The following PTPRD variants were observed in gnomAD, a reference collection of about 807,000 sequenced individuals.
PTPRD encodes protein tyrosine phosphatase receptor type D.
Under a neutral mutation model 214.5 loss-of-function variants are expected in PTPRD, and 34 were observed. That is an observed-to-expected ratio of 0.16 (90% CI 0.12 to 0.21). The LOEUF (loss-of-function observed/expected upper bound fraction) is 0.21. Ranked by LOEUF, PTPRD falls within the 10% of genes least tolerant of loss-of-function variation. The pLI is 1.00. For missense variants in PTPRD, 2,545 were observed against 2,398.7 expected (o/e 1.06, Z -1.27); for synonymous variants, 1,128 against 845.7 (o/e 1.33, Z -5.79).
At chr9:8,660,838 G>C (rs1245871458) in intron 12 of PTPRD, among the ~76,000 whole-genome samples, 2 of 151,924 alleles carry the variant, frequency 1.3e-5, no homozygotes, top group Non-Finnish European at 2.9e-5. Flanking sequence ...CAACTTACAG[G>C]ACCTTCCACA....
intron 3 of PTPRD, among the ~76,000 whole-genome samples, chr9:10,169,443 C>T (rs1354021130): frequency 1.5e-5 from 2 of 131,980 alleles, no homozygotes; most frequent in Non-Finnish European, 3.0e-5. Flanking sequence ...CACTGCACTC[C>T]AGCCTGGGCG....
rs543670861 is a variant in PTPRD, at chr9:10,405,349, G to A, written c.-599-64332C>T. Among the ~76,000 whole-genome samples the A allele has an allele frequency of 2.6e-5, 4 of 151,718 alleles. No homozygotes were observed. In the South Asian group the frequency reaches 8.3e-4, roughly 31 times the overall value. On this transcript the variant is annotated intron_variant, in intron 2 of 45. Transcript: ENST00000381196. ...ATCTTGTTTAACAGACAGTGACATG[G>A]AATTTTTACTTATATTTTCTACAAA...
chr9:8,638,842 T>A lies in PTPRD; in HGVS notation c.65-1998A>T, dbSNP rs372853642. Among the ~76,000 whole-genome samples, 15 of 152,130 alleles carry A rather than the reference T, an allele frequency of 9.9e-5. No individual in the cohort carries two copies. The East Asian group carries it at 2.1e-3, about 21-fold the overall frequency. ...TAAAATAATTTTATTTTTTATTTATTTTTATTTATTTATTTATTTTAGATG... is the reference window on the plus strand; with the variant it reads ...TAAAATAATTTTATTTTTTATTTATATTTATTTATTTATTTATTTTAGATG... On this transcript the variant is annotated intron_variant, in intron 12 of 45. Coordinates refer to ENST00000381196, the MANE Select transcript of PTPRD (RefSeq NM_002839.4).
intron 14 of PTPRD, among the ~76,000 whole-genome samples, chr9:8,536,300 T>C (rs141234386): frequency 0.012 from 1,775 of 152,016 alleles, 70 homozygotes; most frequent in Admixed American, 0.078. Context: ...TGGTCATCCT[T>C]TACTTTTATT....
chr9:9,454,909 G>T (rs61014266), intron 8 of PTPRD, among the ~76,000 whole-genome samples: 1 of 151,180 alleles, frequency 6.6e-6, no homozygotes, highest in Non-Finnish European at 1.5e-5. Flanking sequence ...TGTAATACAA[G>T]CATTTCATTG....
chr9:8,694,850 G>A lies in PTPRD; in HGVS notation c.64+38930C>T, dbSNP rs552484838. On this transcript the variant is annotated intron_variant, in intron 12 of 45. Transcript: ENST00000381196. The stretch of plus-strand genomic sequence containing the variant: ...CTTTGTTGTTCTCTTTCTTACTGTG[G>A]AGCCCCATGGCTTGGAACTGTAAGC... 7.9e-4 allele frequency among the ~76,000 whole-genome samples: 120 copies of A among 151,934 alleles called. 3 individuals are homozygous for A. The South Asian group carries it at 0.025, about 31-fold the overall frequency.
chr9:9,855,309 T>C (rs1324137689), intron 5 of PTPRD, among the ~76,000 whole-genome samples: 12 of 152,138 alleles, frequency 7.9e-5, no homozygotes, highest in South Asian at 6.2e-4. Flanking sequence ...GTATTCAATA[T>C]ATGGTAACAA....
intron 4 of PTPRD, among the ~76,000 whole-genome samples, chr9:10,031,647 TACAC>T (rs1555494944): frequency 1.1e-5 from 1 of 89,688 alleles, no homozygotes; most frequent in Non-Finnish European, 1.9e-5. Flanking sequence ...TATATATATA[TACAC>T]ACACACACAC....
At chr9:9,220,334 G>A (rs2099955059) in intron 9 of PTPRD, among the ~76,000 whole-genome samples, 1 of 125,888 alleles carries the variant, frequency 7.9e-6, no homozygotes. Context: ...GCACTATCTA[G>A]AAGGCTTCAT....
intron 6 of PTPRD, among the ~76,000 whole-genome samples, chr9:9,759,976 G>A (rs1425204425): frequency 6.6e-6 from 1 of 152,020 alleles, no homozygotes; most frequent in Admixed American, 6.6e-5. Context: ...CTAACCTGGT[G>A]TTGTACATTT....
chr9:9,068,926 T>C lies in PTPRD; in HGVS notation c.-142-50191A>G, dbSNP rs184752062. On this transcript the variant is annotated intron_variant, in intron 10 of 45. Coordinates refer to ENST00000381196, the MANE Select transcript of PTPRD (RefSeq NM_002839.4). ...CTCTCGGCCTACAAAAATTTCTTTA[T>C]GGGAAAATATTTGGACATCTGAAAA... Among the ~76,000 whole-genome samples the C allele has an allele frequency of 1.5e-3, 233 of 152,280 alleles. 3 individuals are homozygous for C. The Middle Eastern group carries it at 0.037, about 24-fold the overall frequency.
intron 27 of PTPRD, among the ~76,000 whole-genome samples, chr9:8,489,077 A>C (rs1251222442): frequency 6.6e-6 from 1 of 152,202 alleles, no homozygotes; most frequent in African/African-American, 2.4e-5. Flanking sequence ...CTGCATTCTA[A>C]TATTTGTCAT....
chr9:9,646,603 T>C (rs1594098369), intron 7 of PTPRD, among the ~76,000 whole-genome samples: 1 of 152,086 alleles, frequency 6.6e-6, no homozygotes, highest in African/African-American at 2.4e-5. Flanking sequence ...CCAGCTATCA[T>C]CTAGTTGAAT....
At chr9:8,859,435 G>C (rs1230607042) in intron 11 of PTPRD, among the ~76,000 whole-genome samples, 1 of 152,152 alleles carries the variant, frequency 6.6e-6, no homozygotes, top group Non-Finnish European at 1.5e-5. Flanking sequence ...AGCCACCATT[G>C]GCAGTTGGCC....
chr9:9,325,602 T>C (rs1969625740), intron 9 of PTPRD, among the ~76,000 whole-genome samples: 1 of 152,152 alleles, frequency 6.6e-6, no homozygotes, highest in Non-Finnish European at 1.5e-5. Flanking sequence ...GCTGAGACAA[T>C]GGGGTTTTCT....
At chr9:8,636,953 A>T (rs2096455422) in intron 12 of PTPRD, 109 bp from the exon 13 acceptor site, 1 of 1,089,206 alleles carries the variant, frequency 9.2e-7, no homozygotes. Flanking sequence ...ATCAAGACAT[A>T]CATTTTTACA....
chr9:8,385,618 CA>C (rs1482188056), intron 37 of PTPRD, among the ~76,000 whole-genome samples: 1 of 151,800 alleles, frequency 6.6e-6, no homozygotes, highest in Non-Finnish European at 1.5e-5. Flanking sequence ...ATAAAATAAC[CA>C]AAAAAGGGGA....
Position 8,672,953 on chromosome 9 carries a change from G to T in PTPRD, c.65-36109C>A, listed in dbSNP as rs376400190. Among the ~76,000 whole-genome samples, 7 of 152,050 alleles carry T rather than the reference G, an allele frequency of 4.6e-5. No individual in the cohort carries two copies. In the East Asian group the frequency reaches 9.7e-4, roughly 21 times the overall value. On this transcript the variant is annotated intron_variant, in intron 12 of 45. Transcript: ENST00000381196. ...AAAACAGTAGACACAGCAAATAAAT[G>T]TAACTGGAAAATTTATATGGAAAAG... is the stretch of plus-strand genomic sequence containing the variant.
chr9:9,772,227 C>T (rs891956447), intron 5 of PTPRD, among the ~76,000 whole-genome samples: 29 of 152,068 alleles, frequency 1.9e-4, no homozygotes, highest in African/African-American at 5.1e-4. Flanking sequence ...ACAGAGAAGA[C>T]GGCCATCTAC....
Sources: allele counts gnomAD v4.1 joint callset (sites outside exome capture counted in the v4.1 genomes callset), GRCh38; gene constraint gnomAD v4.1.1; transcripts MANE v1.5; gene names NCBI Gene and HGNC (gene_info 2026-07-23, HGNC 2026-07-21).